The following NAALADL2 variants were observed in gnomAD, a reference collection of about 807,000 sequenced individuals.
The protein encoded by NAALADL2 is N-acetylated alpha-linked acidic dipeptidase like 2, also known as inactive N-acetylated-alpha-linked acidic dipeptidase-like protein 2.
NAALADL2 carries 76 observed loss-of-function variants against 87.2 expected under a neutral mutation model. That is an observed-to-expected ratio of 0.87 (90% CI 0.72 to 1.05). NAALADL2 has a LOEUF of 1.05. NAALADL2 is among the 50% of genes least tolerant of loss of function. The pLI is 0.00. For synonymous variants in NAALADL2, 354 were observed against 331.0 expected, an observed-to-expected ratio of 1.07 and a Z score of -0.75; for missense variants, 1,089 against 945.8, an observed-to-expected ratio of 1.15 and a Z score of -1.99.
chr3:174,645,864 T>C (rs1366339313), intron 2 of NAALADL2, among the ~76,000 whole-genome samples: 1 of 152,144 alleles, frequency 6.6e-6, no homozygotes, highest in Non-Finnish European at 1.5e-5. Context: ...CAAATGGAGA[T>C]TATTATATTT....
intron 10 of NAALADL2, among the ~76,000 whole-genome samples, chr3:175,592,781 C>T (rs558198106): frequency 6.6e-6 from 1 of 151,290 alleles, no homozygotes; most frequent in Admixed American, 6.6e-5. Flanking sequence ...GGAGATATAC[C>T]TAATGCTAGA....
chr3:174,472,393 A>G (rs1291149273), intron 1 of NAALADL2, among the ~76,000 whole-genome samples: 2 of 152,218 alleles, frequency 1.3e-5, no homozygotes, highest in Admixed American at 1.3e-4. Context: ...GCTTGAAGAA[A>G]GATGGCCCTG....
At chr3:175,111,474 C>T (rs1003215601) in intron 2 of NAALADL2, among the ~76,000 whole-genome samples, 4 of 151,640 alleles carry the variant, frequency 2.6e-5, no homozygotes, top group Non-Finnish European at 4.4e-5. Context: ...GGAATATGCA[C>T]CTAGAACTAT....
intron 1 of NAALADL2, among the ~76,000 whole-genome samples, chr3:175,066,899 A>C (rs960361410): frequency 6.6e-6 from 1 of 152,150 alleles, no homozygotes; most frequent in African/African-American, 2.4e-5. Context: ...TTAACCAAGA[A>C]TCAATAAATT....
At chr3:175,222,290 A>T (rs7625750) in intron 2 of NAALADL2, among the ~76,000 whole-genome samples, 63,172 of 151,908 alleles carry the variant, frequency 0.42, 15,017 homozygotes, top group Non-Finnish European at 0.54. Flanking sequence ...TTTGTTTCTA[A>T]ATCTGGGAAT....
intron 10 of NAALADL2, among the ~76,000 whole-genome samples, chr3:175,619,213 A>AG (rs1258473835): frequency 1.5e-5 from 2 of 137,210 alleles, no homozygotes; most frequent in Admixed American, 1.6e-4. Context: ...GACAAAAAAA[A>AG]AGAGAGAAAG....
chr3:175,627,495 G>T, intron 11 of NAALADL2, 109 bp downstream of exon 11: 1 of 685,148 alleles, frequency 1.5e-6, no homozygotes, highest in Non-Finnish European at 2.4e-6. Flanking sequence ...ATTTTCATTT[G>T]TAGAATATAT....
At chr3:175,744,649 C>A (rs536886193) in intron 12 of NAALADL2, among the ~76,000 whole-genome samples, 1 of 152,192 alleles carries the variant, frequency 6.6e-6, no homozygotes, top group Non-Finnish European at 1.5e-5. Flanking sequence ...TAATCATGGT[C>A]AAAGATTATT....
At chr3:175,387,748 A>T (rs568377918) in intron 5 of NAALADL2, among the ~76,000 whole-genome samples, 1 of 152,232 alleles carries the variant, frequency 6.6e-6, no homozygotes, top group East Asian at 1.9e-4. Flanking sequence ...ATTGATAGTA[A>T]ATAAAATAGA....
intron 9 of NAALADL2, among the ~76,000 whole-genome samples, chr3:175,501,338 A>G (rs908430452): frequency 6.6e-6 from 1 of 152,054 alleles, no homozygotes; most frequent in Non-Finnish European, 1.5e-5. Flanking sequence ...GTGGTGGTGA[A>G]GGTGGCTCCT....
intron 1 of NAALADL2, among the ~76,000 whole-genome samples, chr3:174,980,519 T>C (rs1744970116): frequency 6.6e-6 from 1 of 152,122 alleles, no homozygotes; most frequent in African/African-American, 2.4e-5. Context: ...TCTATAAAAA[T>C]AATTATAATA....
At chr3:175,061,495 A>C (rs1354090333) in intron 1 of NAALADL2, among the ~76,000 whole-genome samples, 1 of 152,100 alleles carries the variant, frequency 6.6e-6, no homozygotes. Flanking sequence ...ACAACTTCAT[A>C]GTCTTCTGCT....
intron 5 of NAALADL2, among the ~76,000 whole-genome samples, chr3:175,380,876 T>C (rs1056922534): frequency 6.6e-6 from 1 of 152,142 alleles, no homozygotes; most frequent in Admixed American, 6.5e-5. Context: ...TACTCAATTA[T>C]AAAGCTTTAA....
chr3:174,861,156 T>C (rs1311078297), intron 1 of NAALADL2, among the ~76,000 whole-genome samples: 1 of 152,098 alleles, frequency 6.6e-6, no homozygotes, highest in Non-Finnish European at 1.5e-5. Context: ...TCTGATCTTA[T>C]TCATGTTTAA....
At chr3:175,678,213 C>A (rs1735086483) in intron 11 of NAALADL2, among the ~76,000 whole-genome samples, 1 of 152,106 alleles carries the variant, frequency 6.6e-6, no homozygotes, top group African/African-American at 2.4e-5. Flanking sequence ...AATATTCTGC[C>A]TATTCAATAT....
At chr3:174,853,139 G>A (rs1475197881) in intron 3 of NAALADL2, among the ~76,000 whole-genome samples, 1 of 142,768 alleles carries the variant, frequency 7.0e-6, no homozygotes, top group Non-Finnish European at 1.5e-5. Flanking sequence ...GCCAAAGTGG[G>A]CAGATCACGA....
chr3:174,566,851 C>T (rs568052618), intron 2 of NAALADL2, among the ~76,000 whole-genome samples: 1 of 151,118 alleles, frequency 6.6e-6, no homozygotes, highest in South Asian at 2.1e-4. Flanking sequence ...TCTGTTGTAG[C>T]ATTTGAGTGG....
At chr3:174,740,764 A>G (rs945810644) in intron 3 of NAALADL2, among the ~76,000 whole-genome samples, 1 of 151,840 alleles carries the variant, frequency 6.6e-6, no homozygotes, top group Non-Finnish European at 1.5e-5. Context: ...ACAAACTACA[A>G]AAGTAATTAG....
At chr3:175,510,392 T>C (rs138279734) in intron 9 of NAALADL2, among the ~76,000 whole-genome samples, 2,791 of 152,272 alleles carry the variant, frequency 0.018, 31 homozygotes, top group Non-Finnish European at 0.025. Context: ...GTCCCTTCTG[T>C]GTCTCAGTTT....
Sources: gnomAD v4.1 joint callset for allele counts (sites outside exome capture counted in the v4.1 genomes callset) on GRCh38, gnomAD v4.1.1 for gene constraint, MANE v1.5 for transcripts, NCBI Gene and HGNC (gene_info 2026-07-23, HGNC 2026-07-21) for gene names.